LRMDA: variants seen among roughly 807,000 people sequenced by gnomAD.
LRMDA encodes the protein leucine rich melanocyte differentiation associated.
LRMDA carries 18 observed loss-of-function variants against 29.8 expected under a neutral mutation model. The ratio of observed to expected loss-of-function variants is 0.60; its 90% confidence interval spans 0.42 to 0.90. The LOEUF is 0.90. Ranked by LOEUF, LRMDA falls within the 40% of genes least tolerant of loss-of-function variation. LRMDA has a pLI of 0.00. For missense variants in LRMDA, 273 were observed against 273.9 expected (o/e 1.00, Z 0.02); for synonymous variants, 125 against 109.4 (o/e 1.14, Z -0.89).
chr10:75,628,082 G>A (rs192723925), intron 2 of LRMDA, among the ~76,000 whole-genome samples: 173 of 152,268 alleles, frequency 1.1e-3, no homozygotes, highest in African/African-American at 3.6e-3. Flanking sequence ...ATATATCTGA[G>A]TACAAAGAAG....
At chr10:75,582,522 G>T (rs1156243024) in intron 2 of LRMDA, among the ~76,000 whole-genome samples, 2 of 152,184 alleles carry the variant, frequency 1.3e-5, no homozygotes, top group African/African-American at 4.8e-5. Context: ...GGCTGGGCAG[G>T]GTAGCAGGGG....
At chr10:76,036,860 T>C (rs913006981) in intron 3 of LRMDA, among the ~76,000 whole-genome samples, 1 of 152,136 alleles carries the variant, frequency 6.6e-6, no homozygotes, top group Non-Finnish European at 1.5e-5. Context: ...ATTGTTAGTG[T>C]AGTGGATTAC....
At chr10:76,304,944 G>A (rs1320463657) in intron 5 of LRMDA, among the ~76,000 whole-genome samples, 1 of 152,150 alleles carries the variant, frequency 6.6e-6, no homozygotes, top group Non-Finnish European at 1.5e-5. Context: ...TGGGGCAGAG[G>A]GCCTTCTAGG....
intron 6 of LRMDA, among the ~76,000 whole-genome samples, chr10:76,339,449 A>G (rs1841010622): frequency 6.6e-6 from 1 of 152,010 alleles, no homozygotes; most frequent in African/African-American, 2.4e-5. Context: ...TAATTAAAGG[A>G]TTTTTCCTCC....
intron 6 of LRMDA, among the ~76,000 whole-genome samples, chr10:76,427,080 G>A (rs1279474015): frequency 2.0e-5 from 3 of 152,120 alleles, no homozygotes; most frequent in African/African-American, 2.4e-5. Context: ...TTGACTTGGC[G>A]ATGCGGACTC....
intron 2 of LRMDA, among the ~76,000 whole-genome samples, chr10:75,756,592 G>T (rs12773730): frequency 6.6e-6 from 1 of 152,126 alleles, no homozygotes; most frequent in Non-Finnish European, 1.5e-5. Context: ...AACTGATAAA[G>T]GTGCTCTCTT....
At chr10:75,635,730 T>C (rs1043029105) in intron 2 of LRMDA, among the ~76,000 whole-genome samples, 2 of 152,044 alleles carry the variant, frequency 1.3e-5, no homozygotes, top group Non-Finnish European at 1.5e-5. Context: ...CCTGATTACA[T>C]TGTTTGTGCA....
At chr10:76,551,220 ACAC>A (rs1267750182) in intron 6 of LRMDA, among the ~76,000 whole-genome samples, 1 of 152,142 alleles carries the variant, frequency 6.6e-6, no homozygotes, top group Non-Finnish European at 1.5e-5. Context: ...TGGGGTAAAA[ACAC>A]CACCACGATT....
intron 6 of LRMDA, among the ~76,000 whole-genome samples, chr10:76,327,389 C>T (rs1346751174): frequency 6.6e-6 from 1 of 152,180 alleles, no homozygotes; most frequent in Admixed American, 6.5e-5. Context: ...CCACGCCCAG[C>T]CTCATCTTCT....
chr10:76,328,735 G>T (rs1197419493), intron 6 of LRMDA, among the ~76,000 whole-genome samples: 2 of 152,174 alleles, frequency 1.3e-5, no homozygotes, highest in East Asian at 1.9e-4. Context: ...TCTGTCAAAA[G>T]AATTGCATTA....
rs1370537513 is a variant in LRMDA at position 76,202,665 on chromosome 10, C to T, written c.517-121736C>T. Among the ~76,000 whole-genome samples the T allele has an allele frequency of 3.3e-5, 5 of 152,028 alleles. No individual in the cohort carries two copies. The South Asian group carries it at 8.3e-4, about 25-fold the overall frequency. On this transcript the variant is annotated intron_variant, in intron 5 of 6. Transcript: ENST00000611255. Reference sequence around the variant, plus strand: ...ACTGCAGAATGAAGGAAAGCTAAACCTCTCTTTAATGATTTTCTCTTTTTA... The same window carrying T: ...ACTGCAGAATGAAGGAAAGCTAAACTTCTCTTTAATGATTTTCTCTTTTTA...
intron 2 of LRMDA, among the ~76,000 whole-genome samples, chr10:75,840,720 A>G (rs1844526485): frequency 6.6e-6 from 1 of 152,254 alleles, no homozygotes; most frequent in Non-Finnish European, 1.5e-5. Context: ...TTAATGAACT[A>G]TGAAGAATAA....
chr10:76,006,888 C>T (rs773650090), intron 2 of LRMDA, among the ~76,000 whole-genome samples: 4 of 151,926 alleles, frequency 2.6e-5, no homozygotes, highest in African/African-American at 4.8e-5. Flanking sequence ...GAAAAGCAAG[C>T]GTTAAGGGCA....
chr10:75,493,348 G>GGTGTGTGTGTGT lies in LRMDA; in HGVS notation c.131+54884_131+54895dup, dbSNP rs3220724. 4.9e-3 allele frequency among the ~76,000 whole-genome samples: 659 copies of GGTGTGTGTGTGT among 133,334 alleles called. 8 individuals carry two copies. Among genetic ancestry groups the GGTGTGTGTGTGT allele is most frequent in the African/African-American group, 0.011 (371 of 34,670 alleles). 87.5% of individuals were successfully genotyped at this position (133,334 alleles called of 152,430 possible). On this transcript the variant is annotated intron_variant, in intron 2 of 6. Transcript: ENST00000611255. ...AGAGAGCCATAGAGGGTTGAGATTG[G>GGTGTGTGTGTGT]GTGTGTGTGTGTGTGTGTGTGTGTG...
At chr10:75,884,158 G>A (rs1402422664) in intron 2 of LRMDA, among the ~76,000 whole-genome samples, 1 of 151,218 alleles carries the variant, frequency 6.6e-6, no homozygotes, top group African/African-American at 2.4e-5. Flanking sequence ...TTGGCAGGTG[G>A]GTGTTGAATT....
intron 2 of LRMDA, among the ~76,000 whole-genome samples, chr10:75,899,245 A>G (rs1183234358): frequency 2.0e-5 from 3 of 152,210 alleles, no homozygotes; most frequent in Admixed American, 6.5e-5. Context: ...AGCTGTTTCT[A>G]CCAAACTTGG....
chr10:76,365,107 T>TATATATATACACACAC (rs141131236), intron 6 of LRMDA, among the ~76,000 whole-genome samples: 2,735 of 61,198 alleles, frequency 0.045, 174 homozygotes, highest in African/African-American at 0.092. Context: ...TATATATATA[T>TATATATATACACACAC]ACACACACAC....
chr10:76,064,780 A>G (rs918284852), intron 5 of LRMDA, among the ~76,000 whole-genome samples: 3 of 152,250 alleles, frequency 2.0e-5, no homozygotes, highest in African/African-American at 7.2e-5. Context: ...TAAACATTAT[A>G]AATCACAAGT....
chr10:76,474,230 T>C (rs1465613050), intron 6 of LRMDA, among the ~76,000 whole-genome samples: 1 of 151,610 alleles, frequency 6.6e-6, no homozygotes, highest in Non-Finnish European at 1.5e-5. Flanking sequence ...CTTAATATAT[T>C]AGTAAATCAA....
Sources: gnomAD v4.1 joint callset for allele counts (sites outside exome capture counted in the v4.1 genomes callset) on GRCh38, gnomAD v4.1.1 for gene constraint, MANE v1.5 for transcripts, NCBI Gene and HGNC (gene_info 2026-07-23, HGNC 2026-07-21) for gene names.